Variants in TMPRSS9 observed in about 807,000 individuals in gnomAD.
TMPRSS9 encodes the protein transmembrane serine protease 9, also known as transmembrane protease serine 9.
Under a neutral mutation model 111.4 loss-of-function variants are expected in TMPRSS9, and 113 were observed. That is an observed-to-expected ratio of 1.01 (90% CI 0.87 to 1.19). The LOEUF (loss-of-function observed/expected upper bound fraction) is 1.19, where lower values mean the gene tolerates loss of function less well. Among genes scored for constraint, TMPRSS9 ranks in the 50% most tolerant of loss-of-function variants. TMPRSS9 has a pLI of 0.00. For missense variants in TMPRSS9, 1,803 were observed against 1,513.1 expected (o/e 1.19, Z -3.18); for synonymous variants, 805 against 659.1 (o/e 1.22, Z -3.39).
chr19:2,369,102 C>T (rs1440003834), intron 1 of TMPRSS9, among the ~76,000 whole-genome samples: 1 of 151,920 alleles, frequency 6.6e-6, no homozygotes, highest in Non-Finnish European at 1.5e-5. Flanking sequence ...CAGGCGCCCA[C>T]CACCACACCC....
chr19:2,364,538 G>A (rs1970232726), intron 1 of TMPRSS9, among the ~76,000 whole-genome samples: 1 of 151,812 alleles, frequency 6.6e-6, no homozygotes, highest in African/African-American at 2.4e-5. Context: ...GGGAGCCACG[G>A]CACCCAGCCC....
At chr19:2,368,561 G>A (rs991683814) in intron 1 of TMPRSS9, among the ~76,000 whole-genome samples, 2 of 152,022 alleles carry the variant, frequency 1.3e-5, no homozygotes, top group East Asian at 1.9e-4. Context: ...GTCACCTGAC[G>A]CGGGTCTTAG....
At chr19:2,412,413 T>C (rs1477420215) in intron 9 of TMPRSS9, among the ~76,000 whole-genome samples, 1 of 152,054 alleles carries the variant, frequency 6.6e-6, no homozygotes, top group African/African-American at 2.4e-5. Context: ...CAAACAAAAT[T>C]GAAAATTTAA....
exon 12 of TMPRSS9, chr19:2,416,595 C>A (rs766170841): frequency 1.2e-6 from 2 of 1,612,190 alleles, no homozygotes; most frequent in Admixed American, 1.7e-5. Context: ...TGGGCCTGGG[C>A]GGGAGCCCGG....
chr19:2,392,461 C>A (rs1970617909), intron 1 of TMPRSS9, among the ~76,000 whole-genome samples: 1 of 151,612 alleles, frequency 6.6e-6, no homozygotes, highest in African/African-American at 2.4e-5. Flanking sequence ...AATCCCAGCT[C>A]TCTGGGACGC....
At chr19:2,379,173 T>A (rs889357194) in intron 1 of TMPRSS9, among the ~76,000 whole-genome samples, 15 of 141,818 alleles carry the variant, frequency 1.1e-4, no homozygotes, top group African/African-American at 3.9e-4. Flanking sequence ...AAGCCTGAGC[T>A]TCTTTCTCTT....
chr19:2,362,892 G>C (rs541783489), intron 1 of TMPRSS9, among the ~76,000 whole-genome samples: 1 of 151,688 alleles, frequency 6.6e-6, no homozygotes, highest in African/African-American at 2.4e-5. Context: ...GGTTGTGTTT[G>C]GTTGTGTGAG....
At chr19:2,371,357 C>G (rs891996800) in intron 1 of TMPRSS9, among the ~76,000 whole-genome samples, 1 of 152,050 alleles carries the variant, frequency 6.6e-6, no homozygotes, top group Non-Finnish European at 1.5e-5. Flanking sequence ...AGACGGAAGT[C>G]GGTAGGTTGG....
chr19:2,399,058 T>G (rs1423846282), exon 4 of TMPRSS9: 26 of 1,613,250 alleles, frequency 1.6e-5, no homozygotes, highest in Non-Finnish European at 2.1e-5. Context: ...CCAGCTGCAC[T>G]TTCTGCTGCG....
chr19:2,403,730 A>G (rs867999885), intron 6 of TMPRSS9, among the ~76,000 whole-genome samples: 6 of 151,844 alleles, frequency 4.0e-5, no homozygotes, highest in Middle Eastern at 3.4e-3. Context: ...ACGGTGGCTC[A>G]CACCTGTAAT....
At chr19:2,399,305 C>T (rs903862612) in intron 4 of TMPRSS9, 112 bp downstream of exon 5, 43 of 1,368,012 alleles carry the variant, frequency 3.1e-5, no homozygotes, top group Middle Eastern at 2.7e-4. Flanking sequence ...ACAAACTGGC[C>T]GGGTGTGGTG....
At chr19:2,401,397 G>A (rs115309236) in intron 4 of TMPRSS9, among the ~76,000 whole-genome samples, 1,544 of 152,284 alleles carry the variant, frequency 0.01, 30 homozygotes, top group African/African-American at 0.035. Context: ...TTCCCTTGGT[G>A]ATAGGGAGGT....
chr19:2,408,575 C>CGAA (rs1239203282), exon 8 of TMPRSS9: 1 of 1,613,418 alleles, frequency 6.2e-7, no homozygotes, highest in Non-Finnish European at 8.5e-7. Flanking sequence ...CACACATCTT[C>CGAA]CCACCCAGCA....
exon 1 of TMPRSS9, among the ~76,000 whole-genome samples, chr19:2,360,284 CGT>C: frequency 6.6e-6 from 1 of 152,176 alleles, no homozygotes; most frequent in Admixed American, 6.5e-5. Context: ...GCAGCCTCGT[CGT>C]CCGGAGCGCG....
intron 1 of TMPRSS9, among the ~76,000 whole-genome samples, chr19:2,380,214 A>G (rs75679340): frequency 6.6e-6 from 1 of 151,750 alleles, no homozygotes; most frequent in African/African-American, 2.4e-5. Flanking sequence ...AGCCCAAGAA[A>G]TCGAGGCTGC....
chr19:2,424,201 C>T (rs961333137), exon 15 of TMPRSS9: 11 of 1,453,612 alleles, frequency 7.6e-6, no homozygotes, highest in African/African-American at 2.9e-5. Context: ...AACACCGTTG[C>T]GGGGCCGTGC....
chr19:2,410,372 A>G (rs1358993626), exon 9 of TMPRSS9: 2 of 1,613,960 alleles, frequency 1.2e-6, no homozygotes, highest in Non-Finnish European at 1.7e-6. Flanking sequence ...GGCTACCTGG[A>G]CGGGAAGGTG....
chr19:2,388,012 T>C (rs1970512353), upstream of TMPRSS9, among the ~76,000 whole-genome samples: 1 of 152,168 alleles, frequency 6.6e-6, no homozygotes, highest in Admixed American at 6.6e-5. Flanking sequence ...GGAATCTCTT[T>C]TGAACACTAG....
intron 1 of TMPRSS9, among the ~76,000 whole-genome samples, chr19:2,380,848 A>G (rs4807248): frequency 0.45 from 68,953 of 151,982 alleles, 16,454 homozygotes; most frequent in East Asian, 0.6. Context: ...TGACTTCCTT[A>G]CTTCTGCCAC....
Sources: allele counts gnomAD v4.1 joint callset (sites outside exome capture counted in the v4.1 genomes callset), GRCh38; gene constraint gnomAD v4.1.1; transcripts MANE v1.5; gene names NCBI Gene and HGNC (gene_info 2026-07-23, HGNC 2026-07-21).